PRKG1: variants seen among roughly 807,000 people sequenced by gnomAD.
PRKG1 encodes protein kinase cGMP-dependent 1, also known as cGMP-dependent protein kinase 1.
A neutral mutation model predicts 88.1 loss-of-function variants in PRKG1; 35 were observed. The ratio of observed to expected loss-of-function variants is 0.40; its 90% CI spans 0.30 to 0.53. PRKG1 has a LOEUF of 0.53. Among genes scored for constraint, PRKG1 ranks in the 20% least tolerant of loss-of-function variants. PRKG1 has a pLI of 0.59. For synonymous variants in PRKG1, 303 were observed against 292.5 expected (o/e 1.04, Z -0.37); for missense variants, 540 against 839.8 (o/e 0.64, Z 4.41).
intron 8 of PRKG1, among the ~76,000 whole-genome samples, chr10:52,157,613 C>T (rs1838158029): frequency 6.6e-6 from 1 of 151,382 alleles, no homozygotes; most frequent in African/African-American, 2.4e-5. Context: ...GAATTACGGT[C>T]ATCCTTGACT....
At chr10:51,291,817 A>G (rs1840590748) in intron 2 of PRKG1, among the ~76,000 whole-genome samples, 2 of 152,074 alleles carry the variant, frequency 1.3e-5, no homozygotes, top group African/African-American at 4.8e-5. Flanking sequence ...GTATTTTTTC[A>G]TTTAGATATT....
At chr10:51,591,953 A>C (rs75623284) in intron 3 of PRKG1, among the ~76,000 whole-genome samples, 11,641 of 152,082 alleles carry the variant, frequency 0.077, 1,479 homozygotes, top group African/African-American at 0.26. Flanking sequence ...AACCCAACAA[A>C]CTCTATTCCC....
chr10:52,078,741 C>T (rs1159119113), intron 7 of PRKG1, among the ~76,000 whole-genome samples: 1 of 152,226 alleles, frequency 6.6e-6, no homozygotes, highest in Non-Finnish European at 1.5e-5. Context: ...TCATTACGAA[C>T]TGGAATATAA....
At chr10:51,569,353 T>C (rs537663644) in intron 3 of PRKG1, among the ~76,000 whole-genome samples, 2 of 152,048 alleles carry the variant, frequency 1.3e-5, no homozygotes, top group Non-Finnish European at 2.9e-5. Context: ...TGTCTTAGCT[T>C]CTTAAGACAT....
In PRKG1 at chr10:52,288,759, C is replaced by T. The variant is rs761517167; in HGVS notation, c.1743C>T (p.Thr581=). The T allele has an allele frequency of 5.6e-6, 9 of 1,600,546 alleles. No individual in the cohort carries two copies. In the South Asian group the frequency reaches 9.2e-5, roughly 16 times the overall value. The change falls in exon 15 of 18, where the codon ACC becomes ACT. Residue 581 remains threonine, a synonymous_variant. Coordinates refer to ENST00000373980, the MANE Select transcript of PRKG1 (RefSeq NM_006258.4). ...PPFSGPDPMK[T]YNIILRGIDM... ...TCTCAGGCCCAGATCCTATGAAAAC[C>T]TATAACATCATATTGAGGGGGATTG...
chr10:51,897,939 C>T (rs1841891302), intron 4 of PRKG1, among the ~76,000 whole-genome samples: 1 of 152,030 alleles, frequency 6.6e-6, no homozygotes, highest in Non-Finnish European at 1.5e-5. Flanking sequence ...CTACATTTCA[C>T]TCAGAATAAA....
At chr10:52,031,066 A>G (rs1845463580) in intron 5 of PRKG1, among the ~76,000 whole-genome samples, 1 of 152,184 alleles carries the variant, frequency 6.6e-6, no homozygotes. Flanking sequence ...AACTTTAAAA[A>G]AAAAAATGCT....
At chr10:51,110,619 T>A (rs1844959973) in intron 1 of PRKG1, among the ~76,000 whole-genome samples, 1 of 152,144 alleles carries the variant, frequency 6.6e-6, no homozygotes, top group Non-Finnish European at 1.5e-5. Context: ...TGTGGTGATG[T>A]TTTCATTAGT....
At chr10:51,285,751 G>A (rs1286753834) in intron 2 of PRKG1, among the ~76,000 whole-genome samples, 1 of 152,170 alleles carries the variant, frequency 6.6e-6, no homozygotes, top group Admixed American at 6.5e-5. Context: ...AGTACAAATA[G>A]TGGGAGATGA....
chr10:51,040,150 C>T (rs1450013191), intron 1 of PRKG1, among the ~76,000 whole-genome samples: 1 of 150,590 alleles, frequency 6.6e-6, no homozygotes, highest in Non-Finnish European at 1.5e-5. Context: ...GCATTGAATC[C>T]ATAGATTGCT....
Position 51,836,579 on chromosome 10 carries a change from T to C in PRKG1, c.698+31889T>C, listed in dbSNP as rs375895235. ...GTTTAAGTCTATTGTTTATATTGAGTGTATTTTTGCATAAGGAGTGAGACA... is the reference window on the plus strand; with the variant it reads ...GTTTAAGTCTATTGTTTATATTGAGCGTATTTTTGCATAAGGAGTGAGACA... On this transcript the variant is annotated intron_variant, in intron 4 of 17. Transcript: ENST00000373980. 1.7e-4 allele frequency among the ~76,000 whole-genome samples: 26 copies of C among 152,226 alleles called. No homozygotes were observed. The South Asian group carries it at 5.4e-3, about 32-fold the overall frequency.
In PRKG1 at chr10:51,594,015, C is replaced by T. The variant is rs112424360; in HGVS notation, c.592+126179C>T. ...TGTTGTGATTACAGGTGTGGGCCAC[C>T]GTGCCTGTACCCCCCATTTTTTTTT... On this transcript the variant is annotated intron_variant, in intron 3 of 17. Transcript: ENST00000373980. 6.6e-5 allele frequency among the ~76,000 whole-genome samples: 10 copies of T among 151,928 alleles called. No homozygotes were observed. The East Asian group carries it at 1.4e-3, about 21-fold the overall frequency.
At chr10:51,034,216 T>TTAAAA (rs1564576702) in intron 1 of PRKG1, among the ~76,000 whole-genome samples, 2 of 152,188 alleles carry the variant, frequency 1.3e-5, no homozygotes, top group Non-Finnish European at 2.9e-5. Flanking sequence ...TTAATTGCTT[T>TTAAAA]TTCATCTGAG....
chr10:52,095,246 T>G (rs891629800), intron 7 of PRKG1, among the ~76,000 whole-genome samples: 1 of 152,184 alleles, frequency 6.6e-6, no homozygotes. Context: ...TATATCTTCT[T>G]GATATACTAA....
chr10:51,282,364 T>G (rs1025594036), intron 2 of PRKG1, among the ~76,000 whole-genome samples: 5 of 151,982 alleles, frequency 3.3e-5, no homozygotes, highest in African/African-American at 1.2e-4. Flanking sequence ...GTTATATATA[T>G]ATATAGAGAG....
intron 2 of PRKG1, among the ~76,000 whole-genome samples, chr10:51,436,629 C>T (rs144267181): frequency 1.6e-3 from 250 of 152,130 alleles, no homozygotes; most frequent in African/African-American, 4.5e-3. Flanking sequence ...AATCTCAAGG[C>T]AGCCTTAGTA....
In PRKG1 at chr10:52,294,627, T is replaced by C. The variant is rs1261446893; in HGVS notation, c.*727T>C. On this transcript the variant is annotated 3_prime_UTR_variant, in exon 18 of 18. Transcript: ENST00000373980. ...AATGCATGATATTTGTTTGTTTTTT[T>C]TGATAAATTGGCATGACAGAGTGGG... 6.6e-6 allele frequency: 1 copy of C among 152,606 alleles called. No individual in the cohort carries two copies. Among genetic ancestry groups the C allele is most frequent in the African/African-American group, 2.4e-5 (1 of 41,452 alleles). 9.5% of individuals were successfully genotyped at this position (152,606 alleles called of 1,614,324 possible).
intron 5 of PRKG1, among the ~76,000 whole-genome samples, chr10:51,930,450 T>C (rs1042285482): frequency 2.0e-5 from 3 of 152,036 alleles, no homozygotes; most frequent in Non-Finnish European, 4.4e-5. Context: ...CCTTCTATTC[T>C]GTTGTAGATC....
rs1841866762 is a variant in PRKG1 at position 52,276,113 on chromosome 10, G to A, written c.1403+3632G>A. Among the ~76,000 whole-genome samples, 3 of 152,106 alleles carry A rather than the reference G, an allele frequency of 2.0e-5. No individual in the cohort carries two copies. In the South Asian group the frequency reaches 6.2e-4, roughly 32 times the overall value. On this transcript the variant is annotated intron_variant, in intron 12 of 17. Coordinates refer to ENST00000373980, the MANE Select transcript of PRKG1 (RefSeq NM_006258.4). ...AGTCCTTAGGGTTTGCCAGGAAAACGGTTATATCGTCAGCAAACAGTGACA... is the reference window on the plus strand; with the variant it reads ...AGTCCTTAGGGTTTGCCAGGAAAACAGTTATATCGTCAGCAAACAGTGACA...
Sources: allele counts gnomAD v4.1 joint callset (sites outside exome capture counted in the v4.1 genomes callset), GRCh38; gene constraint gnomAD v4.1.1; transcripts MANE v1.5; gene names NCBI Gene and HGNC (gene_info 2026-07-23, HGNC 2026-07-21).